The following NRXN3 variants were observed in gnomAD, a reference collection of about 807,000 sequenced individuals.
The protein encoded by NRXN3 is neurexin 3.
NRXN3 carries 32 observed loss-of-function variants against 137.6 expected under a neutral mutation model. That is an observed-to-expected ratio of 0.23 (90% CI 0.18 to 0.31). The LOEUF (loss-of-function observed/expected upper bound fraction) is 0.31, where lower values mean the gene tolerates loss of function less well. Among genes scored for constraint, NRXN3 ranks in the 10% least tolerant of loss-of-function variants. The probability of loss-of-function intolerance (pLI) is 1.00; values close to 1 mark genes in which losing one functional copy is unlikely to be tolerated. For missense variants in NRXN3, 1,574 were observed against 2,062.5 expected, an observed-to-expected ratio of 0.76 and a Z score of 4.59; for synonymous variants, 798 against 784.5, an observed-to-expected ratio of 1.02 and a Z score of -0.29.
At position 78,314,873 on chromosome 14, in the gene NRXN3, T is replaced by TTTCCTTCC. The variant is rs1434971256; in HGVS notation, c.757+17017_757+17018insTTCCTTCC. On this transcript the variant is annotated intron_variant, in intron 4 of 20. Transcript: ENST00000335750. Reference sequence around the variant, plus strand: ...GTATGTGTATTTTGTGTATTTTTCTTTTCCGTTCTTTCTTTCTTTCTCTTT... The same window carrying TTTCCTTCC: ...GTATGTGTATTTTGTGTATTTTTCTTTTCCTTCCTTCCGTTCTTTCTTTCTTTCTCTTT... 1.7e-4 allele frequency among the ~76,000 whole-genome samples: 14 copies of TTTCCTTCC among 81,590 alleles called. No individual in the cohort carries two copies. The South Asian group carries it at 5.0e-3, about 29-fold the overall frequency. 53.5% of individuals were successfully genotyped at this position (81,590 alleles called of 152,430 possible).
chr14:79,238,201 T>C (rs1262805950), intron 15 of NRXN3, among the ~76,000 whole-genome samples: 5 of 152,152 alleles, frequency 3.3e-5, no homozygotes, highest in Admixed American at 1.3e-4. Context: ...GTTTTAATAT[T>C]TTTTAAACAA....
chr14:78,786,675 A>G (rs1338604893), intron 8 of NRXN3, among the ~76,000 whole-genome samples: 1 of 152,166 alleles, frequency 6.6e-6, no homozygotes, highest in Non-Finnish European at 1.5e-5. Flanking sequence ...TTCAGTGTTC[A>G]CAAAAAAACA....
At position 78,468,711 on chromosome 14, in the gene NRXN3, G is replaced by A. The variant is rs145559859; in HGVS notation, c.757+170851G>A. Among the ~76,000 whole-genome samples the A allele has an allele frequency of 2.2e-3, 341 of 152,322 alleles. 1 individual carries two copies. The highest frequency in any genetic ancestry group is 7.7e-3 in the African/African-American group (321 of 41,580). On this transcript the variant is annotated intron_variant, in intron 4 of 20. Transcript: ENST00000335750. ...CAAAATTCAAAGAATATGGTTATAC[G>A]TATGTGTGAAGAATTGGAGGCACTT...
intron 10 of NRXN3, among the ~76,000 whole-genome samples, chr14:78,944,228 A>G (rs2099360903): frequency 6.6e-6 from 1 of 152,190 alleles, no homozygotes. Flanking sequence ...AATGCAAGCC[A>G]CCAGTAGAAC....
At chr14:79,323,731 C>T (rs544909334) in intron 15 of NRXN3, among the ~76,000 whole-genome samples, 16 of 152,128 alleles carry the variant, frequency 1.1e-4, no homozygotes, top group South Asian at 6.2e-4. Flanking sequence ...TGGCGGTGTG[C>T]GCCTGTAATC....
intron 15 of NRXN3, among the ~76,000 whole-genome samples, chr14:79,130,661 A>C (rs1343254044): frequency 2.0e-5 from 3 of 151,938 alleles, no homozygotes; most frequent in Middle Eastern, 3.2e-3. Context: ...TGTGTCTTGG[A>C]GTTGCTCTTC....
chr14:79,844,884 T>A (rs1238690321), intron 20 of NRXN3, among the ~76,000 whole-genome samples: 1 of 152,234 alleles, frequency 6.6e-6, no homozygotes, highest in Admixed American at 6.5e-5. Context: ...AAGTCCTAGA[T>A]GGCATCTTTT....
At chr14:78,336,706 T>A (rs2081517948) in intron 4 of NRXN3, among the ~76,000 whole-genome samples, 1 of 152,088 alleles carries the variant, frequency 6.6e-6, no homozygotes, top group African/African-American at 2.4e-5. Flanking sequence ...AGAGGTGCAA[T>A]GGGTGGGGTG....
intron 16 of NRXN3, among the ~76,000 whole-genome samples, chr14:79,496,657 C>T (rs1238806712): frequency 6.6e-6 from 1 of 152,178 alleles, no homozygotes; most frequent in Non-Finnish European, 1.5e-5. Flanking sequence ...AGCAGTGTTC[C>T]TTAATCTAAA....
chr14:79,062,908 T>A (rs1312458727), intron 15 of NRXN3, among the ~76,000 whole-genome samples: 2 of 152,210 alleles, frequency 1.3e-5, no homozygotes, highest in Admixed American at 1.3e-4. Flanking sequence ...TATTAGCAAT[T>A]GGCAGCAATA....
At chr14:79,271,653 G>C (rs2079349150) in intron 15 of NRXN3, among the ~76,000 whole-genome samples, 1 of 151,236 alleles carries the variant, frequency 6.6e-6, no homozygotes, top group African/African-American at 2.4e-5. Context: ...TTTTGCATTG[G>C]AAGAAAAACT....
At chr14:79,754,268 G>A (rs2099009764) in intron 19 of NRXN3, among the ~76,000 whole-genome samples, 1 of 151,812 alleles carries the variant, frequency 6.6e-6, no homozygotes, top group Admixed American at 6.6e-5. Flanking sequence ...CTTAAACCAG[G>A]GAGAGGCAGA....
Position 79,242,770 on chromosome 14 carries a change from C to T in NRXN3, c.3263-224451C>T, listed in dbSNP as rs146897082. 6.6e-5 allele frequency among the ~76,000 whole-genome samples: 10 copies of T among 152,252 alleles called. No individual in the cohort carries two copies. The East Asian group carries it at 1.5e-3, about 24-fold the overall frequency. On this transcript the variant is annotated intron_variant, in intron 15 of 20. Coordinates refer to ENST00000335750, the MANE Select transcript of NRXN3 (RefSeq NM_001330195.2). ...GTCAGATTCTGCTGGGACTGCACAA[C>T]CCAAGGATCCTGTTACAGCATCTGC...
At chr14:79,128,525 G>GC (rs1373077700) in intron 15 of NRXN3, among the ~76,000 whole-genome samples, 1 of 151,286 alleles carries the variant, frequency 6.6e-6, no homozygotes, top group Non-Finnish European at 1.5e-5. Flanking sequence ...CAGGGATGAA[G>GC]CCCACTTGAT....
chr14:79,139,694 G>T (rs892864492), intron 15 of NRXN3, among the ~76,000 whole-genome samples: 16 of 151,840 alleles, frequency 1.1e-4, no homozygotes, highest in Admixed American at 9.2e-4. Context: ...CTTAATTGGT[G>T]ATTAAATTCC....
intron 16 of NRXN3, among the ~76,000 whole-genome samples, chr14:79,514,768 G>A (rs566519507): frequency 6.6e-6 from 1 of 152,214 alleles, no homozygotes; most frequent in Non-Finnish European, 1.5e-5. Flanking sequence ...GAAGCTTCAG[G>A]CAATGTGAAT....
Position 78,374,960 on chromosome 14 carries a change from A to G in NRXN3, c.757+77100A>G, listed in dbSNP as rs1003457740. On this transcript the variant is annotated intron_variant, in intron 4 of 20. Transcript: ENST00000335750. ...GAAATAGCCTTAAACACAGAATCACATAAATATCAGAGCCATACTGGGAAA... is the reference window on the plus strand; with the variant it reads ...GAAATAGCCTTAAACACAGAATCACGTAAATATCAGAGCCATACTGGGAAA... Among the ~76,000 whole-genome samples, 44 of 152,346 alleles carry G rather than the reference A, an allele frequency of 2.9e-4. 1 individual carries two copies. Among genetic ancestry groups the G allele is most frequent in the African/African-American group, 9.9e-4 (41 of 41,586 alleles).
intron 15 of NRXN3, among the ~76,000 whole-genome samples, chr14:79,145,381 A>G (rs923523795): frequency 6.6e-6 from 1 of 152,180 alleles, no homozygotes; most frequent in African/African-American, 2.4e-5. Context: ...ACCGAAAGTC[A>G]TATCTCACTT....
chr14:78,220,246 GT>G, intron 1 of NRXN3, among the ~76,000 whole-genome samples: 1 of 152,276 alleles, frequency 6.6e-6, no homozygotes, highest in African/African-American at 2.4e-5. Context: ...AGAGTGGGTA[GT>G]TTGTGAAGAG....
Sources: gnomAD v4.1 joint callset for allele counts (sites outside exome capture counted in the v4.1 genomes callset) on GRCh38, gnomAD v4.1.1 for gene constraint, MANE v1.5 for transcripts, NCBI Gene and HGNC (gene_info 2026-07-23, HGNC 2026-07-21) for gene names.